LRRTM4: variants seen among roughly 807,000 people sequenced by gnomAD.
LRRTM4 encodes the protein leucine-rich repeat transmembrane neuronal protein 4.
LRRTM4 carries 25 observed loss-of-function variants against 47.6 expected under a neutral mutation model. That is an observed-to-expected ratio of 0.53 (90% CI 0.38 to 0.73). The LOEUF is 0.73. Among genes scored for constraint, LRRTM4 ranks in the 30% least tolerant of loss-of-function variants. LRRTM4 has a pLI of 0.00. For missense variants in LRRTM4, 638 were observed against 713.4 expected (o/e 0.89, Z 1.20); for synonymous variants, 311 against 269.5 (o/e 1.15, Z -1.51).
chr2:77,047,090 C>A (rs562594262), intron 3 of LRRTM4, among the ~76,000 whole-genome samples: 2 of 152,014 alleles, frequency 1.3e-5, no homozygotes, highest in Non-Finnish European at 2.9e-5. Flanking sequence ...GTAATCTTTA[C>A]CAGAAATTAT....
chr2:77,494,295 C>T (rs760929055), intron 3 of LRRTM4, among the ~76,000 whole-genome samples: 1 of 151,926 alleles, frequency 6.6e-6, no homozygotes, highest in Non-Finnish European at 1.5e-5. Flanking sequence ...CTATTAACAA[C>T]TTCATCTGTT....
chr2:76,856,350 T>A (rs1672150480), intron 3 of LRRTM4, among the ~76,000 whole-genome samples: 1 of 152,134 alleles, frequency 6.6e-6, no homozygotes, highest in South Asian at 2.1e-4. Context: ...CAGTTATATA[T>A]TTTTAGTTAA....
chr2:76,797,560 A>G (rs1267623165), intron 3 of LRRTM4, among the ~76,000 whole-genome samples: 1 of 152,038 alleles, frequency 6.6e-6, no homozygotes, highest in Non-Finnish European at 1.5e-5. Flanking sequence ...GCATCAACTA[A>G]CCAGCAAAAG....
chr2:76,767,554 C>T (rs1673504779), intron 3 of LRRTM4, among the ~76,000 whole-genome samples: 1 of 151,486 alleles, frequency 6.6e-6, no homozygotes, highest in African/African-American at 2.4e-5. Flanking sequence ...CAGAAATAAA[C>T]CACTCTATAA....
intron 3 of LRRTM4, among the ~76,000 whole-genome samples, chr2:76,768,931 A>T (rs1192255669): frequency 1.3e-5 from 2 of 152,122 alleles, no homozygotes; most frequent in African/African-American, 4.8e-5. Context: ...AATTCACATA[A>T]AACTGACACA....
At position 76,816,061 on chromosome 2, in the gene LRRTM4, C is replaced by T. The variant is rs79635410; in HGVS notation, c.1552-67145G>A. ...TTTAATCCTCCCAGATTAGCAGATA[C>T]AACCTGGGGGAGATCAAATTCACAA... On this transcript the variant is annotated intron_variant, in intron 3 of 3. Transcript: ENST00000409884. 6.8e-4 allele frequency among the ~76,000 whole-genome samples: 104 copies of T among 152,118 alleles called. 1 individual carries two copies. The East Asian group carries it at 0.016, about 23-fold the overall frequency.
At chr2:77,417,696 A>T (rs1002747016) in intron 3 of LRRTM4, among the ~76,000 whole-genome samples, 1 of 144,486 alleles carries the variant, frequency 6.9e-6, no homozygotes, top group Non-Finnish European at 1.5e-5. Context: ...TCCCACTCAT[A>T]GGTGGGAATT....
At chr2:77,206,400 G>A (rs1208968857) in intron 3 of LRRTM4, among the ~76,000 whole-genome samples, 1 of 151,676 alleles carries the variant, frequency 6.6e-6, no homozygotes, top group Non-Finnish European at 1.5e-5. Flanking sequence ...GCTGAGGCTG[G>A]TCTTGAACTC....
chr2:77,415,895 C>CAAAT (rs1400807030), intron 3 of LRRTM4, among the ~76,000 whole-genome samples: 3 of 151,994 alleles, frequency 2.0e-5, no homozygotes, highest in Non-Finnish European at 4.4e-5. Context: ...AAATAAAACA[C>CAAAT]AAATGATTGT....
intron 3 of LRRTM4, among the ~76,000 whole-genome samples, chr2:77,271,539 G>A (rs375927907): frequency 7.0e-4 from 107 of 152,202 alleles, no homozygotes; most frequent in African/African-American, 2.5e-3. Flanking sequence ...CAAGTAGAGG[G>A]GGCACCCCTG....
chr2:76,964,804 A>G (rs1305527184), intron 3 of LRRTM4, among the ~76,000 whole-genome samples: 2 of 150,910 alleles, frequency 1.3e-5, no homozygotes, highest in Non-Finnish European at 3.0e-5. Context: ...AAAACAATTA[A>G]TAAAGAGAGA....
At chr2:77,006,659 T>C (rs1034013920) in intron 3 of LRRTM4, among the ~76,000 whole-genome samples, 2 of 152,258 alleles carry the variant, frequency 1.3e-5, no homozygotes, top group South Asian at 2.1e-4. Flanking sequence ...GGAGAGATTC[T>C]AGACTTCTGG....
chr2:77,192,333 A>G (rs1467772321), intron 3 of LRRTM4, among the ~76,000 whole-genome samples: 1 of 152,024 alleles, frequency 6.6e-6, no homozygotes, highest in Non-Finnish European at 1.5e-5. Flanking sequence ...GTCTCAGTTT[A>G]GTTTGTTATT....
At chr2:77,292,310 C>A (rs1195958703) in intron 3 of LRRTM4, among the ~76,000 whole-genome samples, 2 of 150,874 alleles carry the variant, frequency 1.3e-5, no homozygotes, top group Non-Finnish European at 1.5e-5. Context: ...GGATCTAGAA[C>A]TAGAAATACC....
intron 3 of LRRTM4, among the ~76,000 whole-genome samples, chr2:77,455,092 A>G (rs1573438046): frequency 2.6e-5 from 4 of 152,008 alleles, no homozygotes; most frequent in African/African-American, 9.7e-5. Flanking sequence ...GGAGGCTGAG[A>G]CAGGAGAATC....
chr2:76,821,629 A>C (rs1671055411), intron 3 of LRRTM4, among the ~76,000 whole-genome samples: 1 of 151,734 alleles, frequency 6.6e-6, no homozygotes. Flanking sequence ...ACTGCTGGCA[A>C]TGCCTGGCAT....
At chr2:77,213,160 C>G (rs1375796713) in intron 3 of LRRTM4, among the ~76,000 whole-genome samples, 7 of 152,274 alleles carry the variant, frequency 4.6e-5, no homozygotes, top group African/African-American at 1.7e-4. Context: ...GTCATTCTGT[C>G]AAGAATGATG....
intron 3 of LRRTM4, among the ~76,000 whole-genome samples, chr2:77,152,668 T>G (rs890731815): frequency 6.6e-6 from 1 of 152,132 alleles, no homozygotes; most frequent in African/African-American, 2.4e-5. Flanking sequence ...TAAATAGAGA[T>G]AGTAATTATA....
intron 3 of LRRTM4, among the ~76,000 whole-genome samples, chr2:77,067,285 G>T (rs1477695763): frequency 6.6e-6 from 1 of 151,998 alleles, no homozygotes; most frequent in African/African-American, 2.4e-5. Context: ...GAAAACTAAA[G>T]GAATTTCTAA....
Sources: gnomAD v4.1 joint callset for allele counts (sites outside exome capture counted in the v4.1 genomes callset) on GRCh38, gnomAD v4.1.1 for gene constraint, MANE v1.5 for transcripts, NCBI Gene and HGNC (gene_info 2026-07-23, HGNC 2026-07-21) for gene names.